Variants in ZCCHC14 observed in about 807,000 individuals in gnomAD.
ZCCHC14 encodes the protein zinc finger CCHC-type containing 14, also known as zinc finger CCHC domain-containing protein 14.
A neutral mutation model predicts 85.0 loss-of-function variants in ZCCHC14; 16 were observed. That is an observed-to-expected ratio of 0.19 (90% CI 0.13 to 0.29). ZCCHC14 has a LOEUF of 0.29. Ranked by LOEUF, ZCCHC14 falls within the 10% of genes least tolerant of loss-of-function variation. The pLI is 1.00. For missense variants in ZCCHC14, 1,303 were observed against 1,443.5 expected, an observed-to-expected ratio of 0.90 and a Z score of 1.58; for synonymous variants, 775 against 630.7, an observed-to-expected ratio of 1.23 and a Z score of -3.43.
At chr16:87,479,643 G>A (rs546157471) in intron 1 of ZCCHC14, among the ~76,000 whole-genome samples, 2 of 152,198 alleles carry the variant, frequency 1.3e-5, no homozygotes, top group South Asian at 2.1e-4. Context: ...CTAAAACATC[G>A]AGGCTTACCA....
chr16:87,461,610 C>T (rs1407867292), intron 1 of ZCCHC14, among the ~76,000 whole-genome samples: 1 of 152,232 alleles, frequency 6.6e-6, no homozygotes, highest in Non-Finnish European at 1.5e-5. Flanking sequence ...CCCCTAAGTT[C>T]ACTCACAAGC....
chr16:87,476,317 TG>T (rs1352122776), intron 1 of ZCCHC14, among the ~76,000 whole-genome samples: 1 of 152,040 alleles, frequency 6.6e-6, no homozygotes, highest in Non-Finnish European at 1.5e-5. Flanking sequence ...ACTTAGGGGT[TG>T]GGGGAAAAAA....
At position 87,411,949 on chromosome 16, in the gene ZCCHC14, C is replaced by A; in HGVS notation, c.2772G>T (p.Val924=). ...TGCCGCTGCAGCCACAGGACGTGCA[C>A]ACAATGCAGCCTGGCGGGGGTGGGG... is the stretch of plus-strand genomic sequence containing the variant. ...QPAPPPPGCI[V]CTSCGCSGSC... The change falls in exon 12 of 13, where the codon GTG becomes GTT. Residue 924 remains valine, a synonymous_variant. Coordinates refer to ENST00000671377, the MANE Select transcript of ZCCHC14 (RefSeq NM_015144.3). 1 of 1,606,272 alleles carries A rather than the reference C, an allele frequency of 6.2e-7. No individual in the cohort carries two copies. The highest frequency in any genetic ancestry group is 8.5e-7 in the Non-Finnish European group (1 of 1,177,338).
At chr16:87,435,825 A>C (rs139163256) in intron 2 of ZCCHC14, among the ~76,000 whole-genome samples, 2,542 of 152,378 alleles carry the variant, frequency 0.017, 25 homozygotes, top group Middle Eastern at 0.044. Context: ...CCTTTCTGGC[A>C]AAACAAAGAG....
intron 10 of ZCCHC14, 78 bp from the exon 11 acceptor site, chr16:87,413,273 C>T (rs1043937739): frequency 1.4e-5 from 20 of 1,444,520 alleles, no homozygotes; most frequent in East Asian, 2.5e-5. Context: ...CTGCATCGCA[C>T]TGTCGGCAGG....
chr16:87,477,388 C>T (rs118179234), intron 1 of ZCCHC14, among the ~76,000 whole-genome samples: 2,542 of 152,280 alleles, frequency 0.017, 25 homozygotes, highest in Middle Eastern at 0.048. Flanking sequence ...CGCCCAGGGC[C>T]GGCCGCGCAC....
At chr16:87,456,226 G>A (rs77913637) in intron 2 of ZCCHC14, among the ~76,000 whole-genome samples, 1,762 of 152,258 alleles carry the variant, frequency 0.012, 38 homozygotes, top group African/African-American at 0.041. Context: ...CAGACTGTGG[G>A]CATTTTAGAA....
At chr16:87,483,723 G>A (rs899849241) in intron 1 of ZCCHC14, among the ~76,000 whole-genome samples, 3 of 152,210 alleles carry the variant, frequency 2.0e-5, no homozygotes, top group African/African-American at 7.2e-5. Context: ...AACAGGCCTT[G>A]TATGTGGCTG....
intron 2 of ZCCHC14, among the ~76,000 whole-genome samples, chr16:87,459,438 G>A (rs1444077930): frequency 2.0e-5 from 3 of 151,632 alleles, no homozygotes; most frequent in South Asian, 2.1e-4. Context: ...TCCACCTCCT[G>A]GGTTCAAGCA....
rs1039723145 is a variant in ZCCHC14 at position 87,426,167 on chromosome 16, C to T, written c.769-2286G>A. On this transcript the variant is annotated intron_variant, in intron 3 of 12. Transcript: ENST00000671377. Reference sequence around the variant, plus strand: ...GCTGATGGCTAAGCTGCAGCAGCCACGATCCAGACCCAGCCAAGCCCTCTA... The same window carrying T: ...GCTGATGGCTAAGCTGCAGCAGCCATGATCCAGACCCAGCCAAGCCCTCTA... Among the ~76,000 whole-genome samples the T allele has an allele frequency of 1.4e-4, 22 of 152,296 alleles. No homozygotes were observed. In the East Asian group the frequency reaches 3.7e-3, roughly 25 times the overall value.
At position 87,411,976 on chromosome 16, in the gene ZCCHC14, G is replaced by A. The variant is rs763559908; in HGVS notation, c.2745C>T (p.Pro915=). The change falls in exon 12 of 13, where the codon CCC becomes CCT. Residue 915 remains proline, a synonymous_variant. Transcript: ENST00000671377. ...CAATGCAGCCTGGCGGGGGTGGGGC[G>A]GGCTGCGGGGGTGCCGGGGGCTGCT... is the stretch of plus-strand genomic sequence containing the variant. The part of the protein sequence containing the change: ...HHQQPPAPPQ[P]APPPPGCIVC... The A allele has an allele frequency of 4.8e-5, 77 of 1,605,300 alleles. No homozygotes were observed. Among genetic ancestry groups the A allele is most frequent in the Non-Finnish European group, 5.9e-5 (69 of 1,177,314 alleles).
rs1301923283 is a variant in ZCCHC14, at chr16:87,406,395, T to C, written c.*3885A>G. 2 of 152,574 alleles carry C rather than the reference T, an allele frequency of 1.3e-5. No individual in the cohort carries two copies. Among genetic ancestry groups the C allele is most frequent in the Non-Finnish European group, 1.5e-5 (1 of 68,034 alleles). The allele number at this position is 152,574 out of a possible 1,614,324, so 9.5% of individuals were successfully genotyped here. On this transcript the variant is annotated 3_prime_UTR_variant, in exon 13 of 13. Coordinates refer to ENST00000671377, the MANE Select transcript of ZCCHC14 (RefSeq NM_015144.3). ...TGACATTTACAATTCAAAATCAAAT[T>C]AGCGGAATATTAAATATTTACAAAA... is the stretch of plus-strand genomic sequence containing the variant.
chr16:87,425,153 G>C (rs965925257), intron 3 of ZCCHC14, among the ~76,000 whole-genome samples: 1 of 152,028 alleles, frequency 6.6e-6, no homozygotes, highest in African/African-American at 2.4e-5. Context: ...GGCCAGTCGA[G>C]GAAAGGGCCA....
intron 1 of ZCCHC14, 53 bp from the exon 2 acceptor site, chr16:87,460,184 G>A: frequency 1.3e-6 from 2 of 1,580,602 alleles, no homozygotes; most frequent in East Asian, 2.3e-5. Context: ...GTTAATAGGG[G>A]ACAATTTTAT....
At chr16:87,451,660 T>C (rs1028699103) in intron 2 of ZCCHC14, among the ~76,000 whole-genome samples, 1 of 152,250 alleles carries the variant, frequency 6.6e-6, no homozygotes, top group Admixed American at 6.5e-5. Context: ...AAAGAAGTGA[T>C]GCTGTGCTAG....
At chr16:87,441,882 C>A (rs1910203045) in intron 2 of ZCCHC14, among the ~76,000 whole-genome samples, 2 of 152,184 alleles carry the variant, frequency 1.3e-5, no homozygotes, top group African/African-American at 4.8e-5. Flanking sequence ...ACGAAAGCCC[C>A]TGGAAGGGAG....
intron 1 of ZCCHC14, among the ~76,000 whole-genome samples, chr16:87,488,104 T>C (rs1460315767): frequency 6.6e-6 from 1 of 152,170 alleles, no homozygotes; most frequent in African/African-American, 2.4e-5. Flanking sequence ...TGTAAAAGGG[T>C]GAAGTATATA....
intron 4 of ZCCHC14, among the ~76,000 whole-genome samples, chr16:87,423,581 T>G (rs1909214666): frequency 6.6e-6 from 1 of 152,044 alleles, no homozygotes; most frequent in African/African-American, 2.4e-5. Context: ...CAGCCTCATC[T>G]CAGTCTCAAC....
intron 1 of ZCCHC14, among the ~76,000 whole-genome samples, chr16:87,480,156 C>T (rs1046764297): frequency 3.9e-5 from 6 of 151,982 alleles, no homozygotes; most frequent in African/African-American, 9.7e-5. Context: ...GTAATCCCAG[C>T]GCTTTGGGAG....
Sources: allele counts gnomAD v4.1 joint callset (sites outside exome capture counted in the v4.1 genomes callset), GRCh38; gene constraint gnomAD v4.1.1; transcripts MANE v1.5; gene names NCBI Gene and HGNC (gene_info 2026-07-23, HGNC 2026-07-21).